TTN: variants seen among roughly 807,000 people sequenced by gnomAD.
The protein encoded by TTN is titin, also known as connectin.
A neutral mutation model predicts 3,223.0 loss-of-function variants in TTN; 1,525 were observed. The observed-to-expected ratio is 0.47, with a 90% CI of 0.45 to 0.49. The LOEUF is 0.49. Ranked by LOEUF, TTN falls within the 20% of genes least tolerant of loss-of-function variation. The pLI, the probability that TTN is intolerant of heterozygous loss-of-function variation, is 0.00. For synonymous variants in TTN, 14,094 were observed against 15,161.0 expected, an observed-to-expected ratio of 0.93 and a Z score of 5.17; for missense variants, 40,786 against 43,424.0, an observed-to-expected ratio of 0.94 and a Z score of 5.40.
chr2:178,677,054 T>C (rs2068226596), intron 147 of TTN, 147 bp downstream of exon 147: 1 of 372,962 alleles, frequency 2.7e-6, no homozygotes. Context: ...AAAGTAGATA[T>C]CAGTGTTCCT....
intron 40 of TTN, among the ~76,000 whole-genome samples, chr2:178,767,357 A>C (rs1467650514): frequency 6.6e-6 from 1 of 152,216 alleles, no homozygotes; most frequent in Non-Finnish European, 1.5e-5. Flanking sequence ...TCTAGCCACT[A>C]AGTTCCTTGA....
At chr2:178,626,956 T>C (rs1164497671) in intron 240 of TTN, among the ~76,000 whole-genome samples, 2 of 151,568 alleles carry the variant, frequency 1.3e-5, no homozygotes, top group Non-Finnish European at 2.9e-5. Context: ...ACCTCCACTA[T>C]GTTAAAAGAA....
At position 178,582,641 on chromosome 2, in the gene TTN, T is replaced by C. The variant is rs757286078; in HGVS notation, c.65864-49A>G. 10 of 1,536,774 alleles carry C rather than the reference T, an allele frequency of 6.5e-6. No homozygotes were observed. In the South Asian group the frequency reaches 1.2e-4, roughly 18 times the overall value. On this transcript the variant is annotated intron_variant, in intron 313 of 362. Transcript: ENST00000589042. ...GAATATGTGGAATGGGGAATGAGTA[T>C]AGAGTAGAGGTCTGGAGACCTGGGC... is the stretch of plus-strand genomic sequence containing the variant.
rs2093944549 is a variant in TTN, at chr2:178,799,504, C to T, written c.897G>A (p.Pro299=). The part of the protein sequence containing the change: ...SPSPVRHVRA[P]TPSPVRSVSP... The stretch of plus-strand genomic sequence containing the variant: ...AGCTTTACCTGACCGGAGATGGGGT[C>T]GGTGCCCGCACGTGTCTGACCGGGG... Residue 299 remains proline (P), a synonymous_variant, in exon 6 of 363, where the codon CCG becomes CCA. Transcript: ENST00000589042. 8 of 1,613,974 alleles carry T rather than the reference C, an allele frequency of 5.0e-6. No individual in the cohort carries two copies. The highest frequency in any genetic ancestry group is 2.2e-5 in the South Asian group (2 of 91,066).
At position 178,654,023 on chromosome 2, in the gene TTN, G is replaced by A; in HGVS notation, c.38453C>T (p.Pro12818Leu). 6.3e-7 allele frequency: 1 copy of A among 1,577,214 alleles called. No individual in the cohort carries two copies. Among genetic ancestry groups the A allele is most frequent in the Non-Finnish European group, 8.5e-7 (1 of 1,169,868 alleles). ...PKAPIKKPEAPAVTVPEVPQE... is the reference protein window; with the variant it reads ...PKAPIKKPEALAVTVPEVPQE... ...GAGCTGACATGTACCTGTAACTGCG[G>A]GGGCTTCTGGTTTTTTGATTGGTGC... The change falls in exon 194 of 363, where the codon CCC becomes CTC. Residue 12818 changes from proline to leucine, a missense_variant. Coordinates refer to ENST00000589042, the MANE Select transcript of TTN (RefSeq NM_001267550.2).
rs771948633 is a variant in TTN, at chr2:178,735,747, G to A, written c.14699C>T (p.Ala4900Val). 22 of 1,613,626 alleles carry A rather than the reference G, an allele frequency of 1.4e-5. No individual in the cohort carries two copies. In the East Asian group the frequency reaches 4.0e-4, roughly 29 times the overall value. Residue 4900 changes from alanine (A) to valine (V), a missense_variant, in exon 50 of 363, where the codon GCT becomes GTT. By Grantham distance (64) the Ala-to-Val change is moderately conservative. Coordinates refer to ENST00000589042, the MANE Select transcript of TTN (RefSeq NM_001267550.2). ...CTCAAGGTGGACCTTCTTATTGATA[G>A]CGGACTGCACAGGCTCTAATTCTTT... is the stretch of plus-strand genomic sequence containing the variant. The part of the protein sequence containing the change: ...FIKELEPVQS[A>V]INKKVHLECQ...
chr2:178,609,021 C>A (rs2055626541), intron 273 of TTN, 113 bp from the exon 274 acceptor site: 1 of 1,375,892 alleles, frequency 7.3e-7, no homozygotes, highest in Non-Finnish European at 9.8e-7. Context: ...CCACATCTAT[C>A]TTTGTATTCC....
chr2:178,652,519 A>T lies in TTN; in HGVS notation c.39066T>A (p.Val13022=), dbSNP rs759383677. 14 of 1,613,492 alleles carry T rather than the reference A, an allele frequency of 8.7e-6. No homozygotes were observed. The highest frequency in any genetic ancestry group is 1.2e-5 in the Non-Finnish European group (14 of 1,179,654). The change falls in exon 202 of 363, where the codon GTT becomes GTA. Residue 13022 remains valine, a synonymous_variant. Transcript: ENST00000589042. ...PVKVPEAPKE[V]VPEKKVPAAP... ...CCGCTGGCACTTTCTTTTCAGGAAC[A>T]ACTTCTTTCGGAGCCTCTGGCACTT...
chr2:178,621,242 A>G lies in TTN; in HGVS notation c.45476T>C (p.Leu15159Pro). 6.2e-7 allele frequency: 1 copy of G among 1,612,322 alleles called. No individual in the cohort carries two copies. The highest frequency in any genetic ancestry group is 1.1e-5 in the South Asian group (1 of 91,034). ...AACGTCATATTTATCTCCAGATTCA[A>G]GTGTCTTATCATCCCTCTTCCACTG... ...PVQWKRDDKT[L>P]ESGDKYDVIA... Residue 15159 changes from leucine (L) to proline (P), a missense_variant, in exon 246 of 363, where the codon CTT becomes CCT. Transcript: ENST00000589042.
chr2:178,759,653 G>A (rs2088448446), intron 43 of TTN, among the ~76,000 whole-genome samples: 1 of 152,230 alleles, frequency 6.6e-6, no homozygotes, highest in South Asian at 2.1e-4. Flanking sequence ...GATATGAAAA[G>A]TCTAAAATAG....
rs72646901 is a variant in TTN, at chr2:178,570,495, C to A, written c.75637G>T (p.Val25213Phe). The change falls in exon 326 of 363, where the codon GTT becomes TTT. Residue 25213 changes from valine (V) to phenylalanine (F), a missense_variant. Val to Phe is a conservative substitution (Grantham distance 50). Coordinates refer to ENST00000589042, the MANE Select transcript of TTN (RefSeq NM_001267550.2). Reference sequence around the variant, plus strand: ...TTTTCTGCTGTAACTCCTGAGATAACAACAGGTCCTTCAGGTGGCCCTGGT... The same window carrying A: ...TTTTCTGCTGTAACTCCTGAGATAAAAACAGGTCCTTCAGGTGGCCCTGGT... ...DRPGPPEGPVVISGVTAEKCT... is the reference protein window; with the variant it reads ...DRPGPPEGPVFISGVTAEKCT... The A allele has an allele frequency of 5.6e-6, 9 of 1,613,300 alleles. No homozygotes were observed. Among genetic ancestry groups the A allele is most frequent in the Non-Finnish European group, 6.8e-6 (8 of 1,179,586 alleles).
At position 178,679,938 on chromosome 2, in the gene TTN, T is replaced by G. The variant is rs1553830370; in HGVS notation, c.33536A>C (p.Glu11179Ala). ...CACCACTTCTTCCTCAGTTATGAAC[T>G]CCTCTTCTTCATGAATGTACTCTTC... ...EEEEYIHEEEEFITEEEVVPV... is the reference protein window; with the variant it reads ...EEEEYIHEEEAFITEEEVVPV... Residue 11179 changes from glutamate to alanine, a missense_variant, in exon 140 of 363, where the codon GAG becomes GCG. Physicochemically the swap from Glu to Ala is moderately radical, Grantham distance 107 (BLOSUM62 -1). Coordinates refer to ENST00000589042, the MANE Select transcript of TTN (RefSeq NM_001267550.2). 6.2e-7 allele frequency: 1 copy of G among 1,613,162 alleles called. No homozygotes were observed. Among genetic ancestry groups the G allele is most frequent in the Non-Finnish European group, 8.5e-7 (1 of 1,179,370 alleles).
chr2:178,635,001 A>G (rs898575503), intron 228 of TTN, among the ~76,000 whole-genome samples, 152 bp from the exon 229 acceptor site: 11 of 152,098 alleles, frequency 7.2e-5, no homozygotes, highest in Non-Finnish European at 1.0e-4. Context: ...CAAATTGTTC[A>G]AGTTGTCCCC....
intron 6 of TTN, 49 bp from the exon 7 acceptor site, chr2:178,795,301 A>G (rs747112917): frequency 3.2e-5 from 50 of 1,565,024 alleles, no homozygotes; most frequent in Non-Finnish European, 4.0e-5. Context: ...AGGAGGGGTA[A>G]CTGGATGTGA....
At position 178,748,290 on chromosome 2, in the gene TTN, C is replaced by T. The variant is rs749021629; in HGVS notation, c.11311+4834G>A. On this transcript the variant is annotated intron_variant, in intron 47 of 362. Coordinates refer to ENST00000589042, the MANE Select transcript of TTN (RefSeq NM_001267550.2). ...AAGTTTTGTTCCTGTACATGTCGGA[C>T]TTCTTTTTCTAAAGAAATGGAATTT... 9 of 1,612,828 alleles carry T rather than the reference C, an allele frequency of 5.6e-6. No homozygotes were observed. The highest frequency in any genetic ancestry group is 7.6e-6 in the Non-Finnish European group (9 of 1,179,414).
Position 178,800,579 on chromosome 2 carries a change from A to G in TTN, c.399T>C (p.Pro133=), listed in dbSNP as rs2094007472. 7.4e-6 allele frequency: 12 copies of G among 1,614,124 alleles called. No homozygotes were observed. The highest frequency in any genetic ancestry group is 1.0e-5 in the Non-Finnish European group (12 of 1,179,986). ...CTCCATCCCGGTAGAACTTCACCAC[A>G]GGTGTAGGGATTCCAGTCACTCTCA... ...LQVRVTGIPT[P]VVKFYRDGAE... is the part of the protein sequence containing the mutation. Residue 133 remains proline, a synonymous_variant, in exon 4 of 363, where the codon CCT becomes CCC. Coordinates refer to ENST00000589042, the MANE Select transcript of TTN (RefSeq NM_001267550.2).
rs1281486986 is a variant in TTN, at chr2:178,576,773, A to G, written c.69471T>C (p.Thr23157=). 1 of 1,613,472 alleles carries G rather than the reference A, an allele frequency of 6.2e-7. No individual in the cohort carries two copies. Among genetic ancestry groups the G allele is most frequent in the African/African-American group, 1.3e-5 (1 of 74,988 alleles). ...EVSNVTKNTA[T]VSWKRPVDDG... ...CATCCACTGGCCTTTTCCAGCTGAC[A>G]GTGGCAGTGTTCTTAGTGACATTTG... is the stretch of plus-strand genomic sequence containing the variant. The change falls in exon 325 of 363, where the codon ACT becomes ACC. Residue 23157 remains threonine, a synonymous_variant. Transcript: ENST00000589042. The surrounding 1 kb of genome is among the most constrained non-coding windows in gnomAD (Gnocchi z 4.3).
Position 178,621,303 on chromosome 2 carries a change from A to G in TTN, c.45415T>C (p.Phe15139Leu). Residue 15139 changes from phenylalanine (F) to leucine (L), a missense_variant, in exon 246 of 363, where the codon TTT becomes CTT. By Grantham distance (22) the Phe-to-Leu change is conservative. Transcript: ENST00000589042. ...CTTTCTTTTGATATAGAGCAGACAA[A>G]TTCAGCCTTTTCTCCTTCAAGTATT... ...LEILEGEKAE[F>L]VCSISKESFP... 6.2e-7 allele frequency: 1 copy of G among 1,612,084 alleles called. No individual in the cohort carries two copies. The highest frequency in any genetic ancestry group is 2.2e-5 in the East Asian group (1 of 44,546).
chr2:178,644,306 C>T, intron 218 of TTN: 1 of 351,028 alleles, frequency 2.8e-6, no homozygotes, highest in Non-Finnish European at 5.1e-6. Context: ...TAGGAAAATG[C>T]AAGAAGACAT....
Sources: allele counts gnomAD v4.1 joint callset (sites outside exome capture counted in the v4.1 genomes callset), GRCh38; gene constraint gnomAD v4.1.1; non-coding constraint Gnocchi (gnomAD v3.1); transcripts MANE v1.5; gene names NCBI Gene and HGNC (gene_info 2026-07-23, HGNC 2026-07-21).